Variants in PRKN observed in about 807,000 individuals in gnomAD.
PRKN encodes the protein parkin RBR E3 ubiquitin protein ligase.
A neutral mutation model predicts 59.5 loss-of-function variants in PRKN; 56 were observed. That is an observed-to-expected ratio of 0.94 (90% CI 0.76 to 1.18). The LOEUF is 1.18. Ranked by LOEUF, PRKN falls within the 50% of genes most tolerant of loss-of-function variation. The pLI is 0.00. For synonymous variants in PRKN, 250 were observed against 222.1 expected, an observed-to-expected ratio of 1.13 and a Z score of -1.12; for missense variants, 657 against 596.4, an observed-to-expected ratio of 1.10 and a Z score of -1.06.
At chr6:161,595,434 A>G (rs1248405169) in intron 7 of PRKN, among the ~76,000 whole-genome samples, 1 of 152,150 alleles carries the variant, frequency 6.6e-6, no homozygotes, top group Non-Finnish European at 1.5e-5. Context: ...ACTGGGTTTT[A>G]CCTGCTTTCC....
chr6:161,738,695 G>C, intron 7 of PRKN, among the ~76,000 whole-genome samples: 1 of 152,136 alleles, frequency 6.6e-6, no homozygotes, highest in Non-Finnish European at 1.5e-5. Flanking sequence ...AACCCTGGGT[G>C]CAGTCACCAC....
intron 5 of PRKN, among the ~76,000 whole-genome samples, chr6:162,028,408 C>T (rs752392463): frequency 6.6e-6 from 1 of 152,092 alleles, no homozygotes; most frequent in African/African-American, 2.4e-5. Context: ...AGGTTTGGGG[C>T]GAGGCAGGGG....
intron 6 of PRKN, among the ~76,000 whole-genome samples, chr6:161,936,977 G>T (rs917732146): frequency 6.6e-6 from 1 of 151,930 alleles, no homozygotes; most frequent in African/African-American, 2.4e-5. Context: ...GTAGAGACAG[G>T]GTTTCACCAT....
chr6:161,466,019 C>A lies in PRKN; in HGVS notation c.1084-79142G>T, dbSNP rs1790446999. 6.6e-6 allele frequency among the ~76,000 whole-genome samples: 1 copy of A among 152,056 alleles called. No homozygotes were observed. Among genetic ancestry groups the A allele is most frequent in the Non-Finnish European group, 1.5e-5 (1 of 68,006 alleles). ...ATCTGTATACACTATGTAATAATTA[C>A]AATCAAATTAATCAACACTTCTATC... On this transcript the variant is annotated intron_variant, in intron 9 of 11. Coordinates refer to ENST00000366898, the MANE Select transcript of PRKN (RefSeq NM_004562.3). The surrounding 1 kb of genome is among the most constrained non-coding windows in gnomAD (Gnocchi z 5.0).
chr6:161,996,089 C>T (rs1781829127), intron 5 of PRKN, among the ~76,000 whole-genome samples: 1 of 152,078 alleles, frequency 6.6e-6, no homozygotes, highest in African/African-American at 2.4e-5. Flanking sequence ...ACCTGTACCC[C>T]CATGTTTATT....
chr6:162,640,751 A>G (rs1238162009), intron 1 of PRKN, among the ~76,000 whole-genome samples: 2 of 152,190 alleles, frequency 1.3e-5, no homozygotes, highest in Non-Finnish European at 2.9e-5. Context: ...ACCTGTTTGT[A>G]AGGCTGTGCT....
chr6:162,300,250 G>A (rs1291136427), intron 2 of PRKN, among the ~76,000 whole-genome samples: 1 of 143,628 alleles, frequency 7.0e-6, no homozygotes, highest in Non-Finnish European at 1.5e-5. Context: ...GAACACAGTG[G>A]CTTTTCTTCT....
At chr6:162,333,970 T>A (rs763904021) in intron 2 of PRKN, among the ~76,000 whole-genome samples, 12 of 152,156 alleles carry the variant, frequency 7.9e-5, no homozygotes, top group Non-Finnish European at 1.6e-4. Context: ...GTCTGAGTTA[T>A]CTGGATACAA....
At position 161,592,400 on chromosome 6, in the gene PRKN, T is replaced by G. The variant is rs1781755952; in HGVS notation, c.872-22984A>C. The stretch of plus-strand genomic sequence containing the variant: ...TTTTAATATTCTCTTTAATATACTC[T>G]TCTGTTTATATAATGTGGGGCTAGT... On this transcript the variant is annotated intron_variant, in intron 7 of 11. Coordinates refer to ENST00000366898, the MANE Select transcript of PRKN (RefSeq NM_004562.3). This position sits in a 1 kb window ranked among gnomAD's most constrained non-coding sequence, Gnocchi z 4.8. Among the ~76,000 whole-genome samples the G allele has an allele frequency of 6.6e-6, 1 of 152,230 alleles. No individual in the cohort carries two copies. Among genetic ancestry groups the G allele is most frequent in the Admixed American group, 6.5e-5 (1 of 15,290 alleles).
At chr6:162,673,922 G>A (rs1473320633) in intron 1 of PRKN, among the ~76,000 whole-genome samples, 4 of 152,144 alleles carry the variant, frequency 2.6e-5, no homozygotes, top group Non-Finnish European at 1.5e-5. Flanking sequence ...GATTTCACCA[G>A]TTGTTAGCAC....
chr6:162,557,909 T>C (rs1779676387), intron 1 of PRKN, among the ~76,000 whole-genome samples: 1 of 152,186 alleles, frequency 6.6e-6, no homozygotes, highest in Non-Finnish European at 1.5e-5. Context: ...ATTCTTCTCT[T>C]GTTACATGAG....
At chr6:162,682,444 C>T (rs1376616814) in intron 1 of PRKN, among the ~76,000 whole-genome samples, 1 of 152,054 alleles carries the variant, frequency 6.6e-6, no homozygotes, top group African/African-American at 2.4e-5. Context: ...GAAATCATGT[C>T]CTTTGAAGCA....
At chr6:162,459,667 C>G (rs375330190) in intron 1 of PRKN, among the ~76,000 whole-genome samples, 2 of 152,262 alleles carry the variant, frequency 1.3e-5, no homozygotes, top group African/African-American at 4.8e-5. Flanking sequence ...ATGTATCTTA[C>G]AGAGTTGTTA....
Position 161,352,119 on chromosome 6 carries a change from CTAGCGTTGAAG to C in PRKN, c.1286-1919_1286-1909del, listed in dbSNP as rs1164710002. ...CGCAGTTTCTTTGCTTGAATCCCAC[CTAGCGTTGAAG>C]GTGCTCCATTACTCACTCTTACCAA... On this transcript the variant is annotated intron_variant, in intron 11 of 11. Coordinates refer to ENST00000366898, the MANE Select transcript of PRKN (RefSeq NM_004562.3). The surrounding 1 kb of genome is among the most constrained non-coding windows in gnomAD (Gnocchi z 5.8). Among the ~76,000 whole-genome samples, 2 of 152,180 alleles carry C rather than the reference CTAGCGTTGAAG, an allele frequency of 1.3e-5. No homozygotes were observed. Among genetic ancestry groups the C allele is most frequent in the African/African-American group, 4.8e-5 (2 of 41,446 alleles).
intron 1 of PRKN, among the ~76,000 whole-genome samples, chr6:162,654,129 C>T (rs1009097974): frequency 6.6e-6 from 1 of 152,104 alleles, no homozygotes; most frequent in African/African-American, 2.4e-5. Flanking sequence ...ACAGAAGTGT[C>T]GAAAGTTAAG....
rs920642945 is a variant in PRKN at position 162,478,132 on chromosome 6, G to C, written c.8-34659C>G. Among the ~76,000 whole-genome samples, 3 of 152,094 alleles carry C rather than the reference G, an allele frequency of 2.0e-5. No homozygotes were observed. The East Asian group carries it at 5.8e-4, about 29-fold the overall frequency. ...ATATAGGAGACATTCACATGTATTT[G>C]TTTAATTTTATGAACAACTGTAGAG... On this transcript the variant is annotated intron_variant, in intron 1 of 11. Coordinates refer to ENST00000366898, the MANE Select transcript of PRKN (RefSeq NM_004562.3).
At chr6:161,730,720 C>CT (rs1450932444) in intron 7 of PRKN, among the ~76,000 whole-genome samples, 1 of 152,070 alleles carries the variant, frequency 6.6e-6, no homozygotes, top group African/African-American at 2.4e-5. Context: ...GTGTTGCATT[C>CT]TGAAGTGTTG....
At chr6:162,566,253 T>C (rs1475280785) in intron 1 of PRKN, among the ~76,000 whole-genome samples, 2 of 151,818 alleles carry the variant, frequency 1.3e-5, no homozygotes, top group Non-Finnish European at 2.9e-5. Context: ...CATTTCTATA[T>C]GCCAAGAATT....
chr6:162,107,387 C>T (rs746864501), intron 4 of PRKN, among the ~76,000 whole-genome samples: 1 of 152,118 alleles, frequency 6.6e-6, no homozygotes, highest in Admixed American at 6.5e-5. Context: ...ATCGCATGAA[C>T]GCAGGAGGTG....
Sources: allele counts gnomAD v4.1 joint callset (sites outside exome capture counted in the v4.1 genomes callset), GRCh38; gene constraint gnomAD v4.1.1; non-coding constraint Gnocchi (gnomAD v3.1); transcripts MANE v1.5; gene names NCBI Gene and HGNC (gene_info 2026-07-23, HGNC 2026-07-21).